The following SYNE1 variants were observed in gnomAD, a reference collection of about 807,000 sequenced individuals.
SYNE1 encodes the protein spectrin repeat containing nuclear envelope protein 1, also known as nesprin-1.
In SYNE1, 616 loss-of-function variants were observed where a neutral mutation model predicts 1,111.0. The ratio of observed to expected loss-of-function variants is 0.55; its 90% CI spans 0.52 to 0.59. SYNE1 has a LOEUF of 0.59. Among genes scored for constraint, SYNE1 ranks in the 20% least tolerant of loss-of-function variants. The pLI, the probability that SYNE1 is intolerant of heterozygous loss-of-function variation, is 0.00. For synonymous variants in SYNE1, 3,855 were observed against 3,825.8 expected (o/e 1.01, Z -0.28); for missense variants, 10,006 against 10,417.0 (o/e 0.96, Z 1.72).
intron 5 of SYNE1, among the ~76,000 whole-genome samples, chr6:152,523,034 C>T (rs1564625152): frequency 6.6e-6 from 1 of 152,002 alleles, no homozygotes; most frequent in Non-Finnish European, 1.5e-5. Context: ...ATTTCTTTTG[C>T]TTGCAGAAAC....
chr6:152,139,749 G>GAA (rs376478776), intron 140 of SYNE1, among the ~76,000 whole-genome samples: 1 of 136,094 alleles, frequency 7.3e-6, no homozygotes, highest in Non-Finnish European at 1.6e-5. Context: ...AAGAAAGAAA[G>GAA]AAAAGAAAAA....
intron 3 of SYNE1, among the ~76,000 whole-genome samples, chr6:152,612,877 A>G (rs1282775070): frequency 1.3e-5 from 2 of 152,244 alleles, no homozygotes; most frequent in South Asian, 4.1e-4. Flanking sequence ...CATTATGTAA[A>G]CAGAACCAAT....
intron 111 of SYNE1, 60 bp downstream of exon 111, chr6:152,234,608 G>C: frequency 6.2e-7 from 1 of 1,606,028 alleles, no homozygotes; most frequent in Non-Finnish European, 8.5e-7. Flanking sequence ...TTTTCTACTG[G>C]TGTATGGGTC....
chr6:152,215,702 CAAGT>C (rs1421031724), intron 121 of SYNE1, among the ~76,000 whole-genome samples: 4 of 152,154 alleles, frequency 2.6e-5, no homozygotes, highest in African/African-American at 9.7e-5. Context: ...AAGAGCTTTA[CAAGT>C]AAGAACTCAT....
At chr6:152,398,540 G>A (rs889755124) in intron 49 of SYNE1, 79 bp downstream of exon 49, 2 of 1,186,908 alleles carry the variant, frequency 1.7e-6, no homozygotes, top group South Asian at 1.2e-5. Flanking sequence ...TAAGATTTGG[G>A]AAATGAGATA....
chr6:152,327,398 G>T (rs1458993328), intron 78 of SYNE1, among the ~76,000 whole-genome samples: 1 of 152,172 alleles, frequency 6.6e-6, no homozygotes, highest in Non-Finnish European at 1.5e-5. Flanking sequence ...TTCTGGAAGC[G>T]AAATAGTAAC....
chr6:152,583,418 T>C (rs1007271875), intron 3 of SYNE1, among the ~76,000 whole-genome samples: 1 of 152,206 alleles, frequency 6.6e-6, no homozygotes, highest in Non-Finnish European at 1.5e-5. Flanking sequence ...CTGAGCCCCA[T>C]TCCCTTATTA....
intron 42 of SYNE1, among the ~76,000 whole-genome samples, 176 bp from the exon 43 acceptor site, chr6:152,409,885 A>C (rs990906053): frequency 6.6e-6 from 1 of 152,202 alleles, no homozygotes; most frequent in Non-Finnish European, 1.5e-5. Context: ...AATGTCTAAA[A>C]TATTCTCCGT....
intron 139 of SYNE1, among the ~76,000 whole-genome samples, chr6:152,140,748 T>G (rs2058338322): frequency 6.6e-6 from 1 of 152,152 alleles, no homozygotes; most frequent in Non-Finnish European, 1.5e-5. Context: ...CAAAGGAGAC[T>G]GTTGGCCAGG....
Position 152,321,987 on chromosome 6 carries a change from G to T in SYNE1, c.15918-101C>A, listed in dbSNP as rs1025876793. ...TACATATATAGAAATGGGAAACCTA[G>T]TATCTTTTTTGAAAGAAAAGACACT... On this transcript the variant is annotated intron_variant, in intron 82 of 145. Coordinates refer to ENST00000367255, the MANE Select transcript of SYNE1 (RefSeq NM_182961.4). 6 of 1,326,954 alleles carry T rather than the reference G, an allele frequency of 4.5e-6. No homozygotes were observed. In the African/African-American group the frequency reaches 5.9e-5, roughly 13 times the overall value. 82.2% of individuals were successfully genotyped at this position (1,326,954 alleles called of 1,614,324 possible). A position where few individuals can be genotyped will look rare whatever the true frequency, so the allele number is the denominator to read the frequency against.
intron 98 of SYNE1, among the ~76,000 whole-genome samples, chr6:152,273,574 A>G (rs2093372438): frequency 6.6e-6 from 1 of 152,236 alleles, no homozygotes; most frequent in Non-Finnish European, 1.5e-5. Flanking sequence ...AAAAAGATAA[A>G]CAGATTTCAA....
Position 152,347,224 on chromosome 6 carries a change from T to C in SYNE1, c.11913A>G (p.Glu3971=), listed in dbSNP as rs754838021. ...AACGGTCTTCAAAACCAGCAATTTC[T>C]TCCATCATTGCCTGCAAAAGTGAAA... ...QQLAHHKAMM[E]EIAGFEDRLN... Residue 3971 remains glutamate, a synonymous_variant, in exon 73 of 146, where the codon GAA becomes GAG. Coordinates refer to ENST00000367255, the MANE Select transcript of SYNE1 (RefSeq NM_182961.4). 6.2e-6 allele frequency: 10 copies of C among 1,614,218 alleles called. No individual in the cohort carries two copies. The South Asian group carries it at 7.7e-5, about 12-fold the overall frequency.
At chr6:152,569,400 T>G (rs1439688948) in intron 3 of SYNE1, among the ~76,000 whole-genome samples, 2 of 152,208 alleles carry the variant, frequency 1.3e-5, no homozygotes, top group African/African-American at 4.8e-5. Flanking sequence ...ACTTGCCTCA[T>G]AAGGTTGTTG....
At chr6:152,629,166 A>G (rs2099692556) in intron 2 of SYNE1, among the ~76,000 whole-genome samples, 1 of 152,028 alleles carries the variant, frequency 6.6e-6, no homozygotes, top group African/African-American at 2.4e-5. Context: ...GGGTGGGTGA[A>G]GCAGAGTGGA....
chr6:152,168,765 T>C (rs1329529102), intron 130 of SYNE1, among the ~76,000 whole-genome samples: 1 of 152,216 alleles, frequency 6.6e-6, no homozygotes, highest in Non-Finnish European at 1.5e-5. Context: ...ACATGCTCTT[T>C]ATCTTTGAGT....
At chr6:152,511,494 T>C in intron 6 of SYNE1, 1 of 1,370,262 alleles carries the variant, frequency 7.3e-7, no homozygotes, top group Non-Finnish European at 1.0e-6. Flanking sequence ...TTGAAGTTTG[T>C]TACCAAATAG....
At chr6:152,610,861 T>G (rs2099629365) in intron 3 of SYNE1, among the ~76,000 whole-genome samples, 1 of 152,130 alleles carries the variant, frequency 6.6e-6, no homozygotes, top group Admixed American at 6.5e-5. Context: ...AAGAAAAGAA[T>G]TTTCAACCCA....
chr6:152,364,618 CAA>C (rs2097019436), intron 63 of SYNE1, among the ~76,000 whole-genome samples: 2 of 143,572 alleles, frequency 1.4e-5, no homozygotes, highest in African/African-American at 5.2e-5. Context: ...AAAGAGGAAT[CAA>C]GAGAAAACAG....
chr6:152,196,841 A>T (rs1352620715), intron 127 of SYNE1, among the ~76,000 whole-genome samples: 1 of 152,046 alleles, frequency 6.6e-6, no homozygotes, highest in African/African-American at 2.4e-5. Context: ...GTACTGCACT[A>T]GGACCCACCT....
Sources: gnomAD v4.1 joint callset for allele counts (sites outside exome capture counted in the v4.1 genomes callset) on GRCh38, gnomAD v4.1.1 for gene constraint, MANE v1.5 for transcripts, NCBI Gene and HGNC (gene_info 2026-07-23, HGNC 2026-07-21) for gene names.